The following RPN2 variants were observed in gnomAD, a reference collection of about 807,000 sequenced individuals.
RPN2 encodes the protein ribophorin II.
A neutral mutation model predicts 71.4 loss-of-function variants in RPN2; 29 were observed. The observed-to-expected ratio is 0.41, with a 90% CI of 0.30 to 0.55. RPN2 has a LOEUF of 0.55. Ranked by LOEUF, RPN2 falls within the 20% of genes least tolerant of loss-of-function variation. The pLI is 0.35. For synonymous variants in RPN2, 308 were observed against 305.0 expected (o/e 1.01, Z -0.10); for missense variants, 726 against 774.1 (o/e 0.94, Z 0.74).
chr20:37,229,539 G>A (rs886971051), intron 12 of RPN2, among the ~76,000 whole-genome samples: 1 of 152,188 alleles, frequency 6.6e-6, no homozygotes, highest in South Asian at 2.1e-4. Flanking sequence ...GGGCAGCTGC[G>A]TTTTCTCGTG....
At chr20:37,192,261 G>A (rs2067158161) in intron 2 of RPN2, among the ~76,000 whole-genome samples, 1 of 152,192 alleles carries the variant, frequency 6.6e-6, no homozygotes, top group Admixed American at 6.5e-5. Flanking sequence ...GTTCATTCCT[G>A]GGGATAGCAG....
intron 2 of RPN2, among the ~76,000 whole-genome samples, chr20:37,185,144 CTTTTT>C (rs540014605): frequency 7.3e-6 from 1 of 136,566 alleles, no homozygotes; most frequent in Non-Finnish European, 1.6e-5. Context: ...TCGGGACAGT[CTTTTT>C]TTTTTTTTTT....
intron 16 of RPN2, chr20:37,238,417 G>T (rs1174764263): frequency 6.2e-7 from 1 of 1,609,904 alleles, no homozygotes; most frequent in East Asian, 2.2e-5. Context: ...CTGCAGAGCA[G>T]AGCAGTAGAT....
intron 11 of RPN2, among the ~76,000 whole-genome samples, chr20:37,227,346 T>C (rs775433555): frequency 2.0e-5 from 3 of 152,242 alleles, no homozygotes; most frequent in Non-Finnish European, 4.4e-5. Context: ...TGAATACTTG[T>C]CTCATCCAGA....
chr20:37,209,691 A>G (rs1427424178), intron 7 of RPN2, among the ~76,000 whole-genome samples: 1 of 150,564 alleles, frequency 6.6e-6, no homozygotes, highest in Non-Finnish European at 1.5e-5. Flanking sequence ...CATGTTGCCC[A>G]CGCTGTTCTT....
intron 8 of RPN2, among the ~76,000 whole-genome samples, chr20:37,213,131 G>A (rs949924177): frequency 6.6e-6 from 1 of 152,124 alleles, no homozygotes; most frequent in African/African-American, 2.4e-5. Context: ...GTACATTTTG[G>A]AGTATTTTCC....
intron 7 of RPN2, among the ~76,000 whole-genome samples, chr20:37,209,422 G>A (rs2067600482): frequency 6.6e-6 from 1 of 151,960 alleles, no homozygotes; most frequent in South Asian, 2.1e-4. Flanking sequence ...GCCTCCCAAA[G>A]TACTGCAATT....
At chr20:37,240,550 A>G (rs1460638520) in intron 16 of RPN2, among the ~76,000 whole-genome samples, 2 of 152,110 alleles carry the variant, frequency 1.3e-5, no homozygotes, top group Non-Finnish European at 2.9e-5. Context: ...TGTGTCAGCA[A>G]CCCTGCCTCT....
intron 9 of RPN2, among the ~76,000 whole-genome samples, chr20:37,220,427 C>T (rs944085113): frequency 2.0e-5 from 3 of 152,032 alleles, no homozygotes; most frequent in African/African-American, 4.8e-5. Context: ...GGGGAAGCAT[C>T]GGTTTTGGAC....
At chr20:37,192,215 T>G (rs957367744) in intron 2 of RPN2, among the ~76,000 whole-genome samples, 5 of 152,170 alleles carry the variant, frequency 3.3e-5, no homozygotes, top group African/African-American at 1.2e-4. Context: ...TGAGTGCATA[T>G]AGTAGTAAGT....
intron 2 of RPN2, among the ~76,000 whole-genome samples, chr20:37,185,763 G>A (rs527590094): frequency 6.6e-6 from 1 of 152,164 alleles, no homozygotes; most frequent in Non-Finnish European, 1.5e-5. Flanking sequence ...GAGTACCTGG[G>A]ACTATGGGTG....
rs1480232048 is a variant in RPN2, at chr20:37,228,569, A to G, written c.1319A>G (p.Asn440Ser). 1 of 1,614,196 alleles carries G rather than the reference A, an allele frequency of 6.2e-7. No homozygotes were observed. The highest frequency in any genetic ancestry group is 1.7e-5 in the Admixed American group (1 of 60,024). Residue 440 changes from asparagine to serine, a missense_variant, in exon 12 of 17, where the codon AAC (asparagine) becomes AGC (serine). Asn to Ser is a conservative substitution (Grantham distance 46). Coordinates refer to ENST00000237530, the MANE Select transcript of RPN2 (RefSeq NM_002951.5). The part of the protein sequence containing the change: ...TPHQTFVRLH[N>S]QKTGQEVVFV... ...ATCTAGACATTTGTCCGACTCCATA[A>G]CCAGAAGACTGGCCAGGAAGTGGTG...
rs2068058910 is a variant in RPN2 at position 37,225,701 on chromosome 20, G to C, written c.1198G>C (p.Ala400Pro). The C allele has an allele frequency of 1.2e-6, 2 of 1,613,710 alleles. No homozygotes were observed. The highest frequency in any genetic ancestry group is 1.7e-5 in the Admixed American group (1 of 59,986). Residue 400 changes from alanine to proline, a missense_variant, in exon 11 of 17, where the codon GCC becomes CCC. By Grantham distance (27) the Ala-to-Pro change is conservative. Transcript: ENST00000237530. The part of the protein sequence containing the change: ...APKTTRVTYP[A>P]KAKGTFIADS... ...TGCCTCTTTCAGGGTGACATACCCA[G>C]CCAAAGCCAAGGGCACATTCATCGC...
At chr20:37,181,076 A>C (rs1005043423) in intron 1 of RPN2, among the ~76,000 whole-genome samples, 1 of 152,242 alleles carries the variant, frequency 6.6e-6, no homozygotes, top group East Asian at 1.9e-4. Flanking sequence ...TAAAAAGACA[A>C]AAATTAGCTG....
intron 16 of RPN2, among the ~76,000 whole-genome samples, chr20:37,237,759 A>G (rs573536957): frequency 6.6e-6 from 1 of 152,226 alleles, no homozygotes; most frequent in Non-Finnish European, 1.5e-5. Context: ...GTGGTTCTGC[A>G]TTGTACCTGA....
At chr20:37,182,550 C>G (rs189406721) in intron 1 of RPN2, among the ~76,000 whole-genome samples, 2 of 152,118 alleles carry the variant, frequency 1.3e-5, no homozygotes, top group African/African-American at 2.4e-5. Flanking sequence ...GCCACCATGC[C>G]TGGCTAATTT....
intron 9 of RPN2, among the ~76,000 whole-genome samples, chr20:37,221,464 T>C (rs942545596): frequency 3.3e-5 from 5 of 152,150 alleles, no homozygotes; most frequent in African/African-American, 1.2e-4. Flanking sequence ...TCCCAAAGTG[T>C]TGGGATTACA....
intron 13 of RPN2, among the ~76,000 whole-genome samples, chr20:37,230,837 T>C (rs2068223644): frequency 1.3e-5 from 2 of 151,998 alleles, no homozygotes; most frequent in South Asian, 4.1e-4. Flanking sequence ...TGCAGCTAAC[T>C]GGTAGGTGTA....
chr20:37,204,871 T>A lies in RPN2; in HGVS notation c.660T>A (p.Asp220Glu), dbSNP rs1440874831. The A allele has an allele frequency of 1.2e-6, 2 of 1,614,084 alleles. No homozygotes were observed. Among genetic ancestry groups the A allele is most frequent in the Admixed American group, 3.3e-5 (2 of 60,002 alleles). The change falls in exon 6 of 17, where the codon GAT becomes GAA. Residue 220 changes from aspartate to glutamate, a missense_variant. Asp to Glu is a conservative substitution (Grantham distance 45, BLOSUM62 2). Transcript: ENST00000237530. ...TGGCTGCCACCTACAAGCTCATGGATCATGTGGGGACTGAGCCATCCATTA... is the reference window on the plus strand; with the variant it reads ...TGGCTGCCACCTACAAGCTCATGGAACATGTGGGGACTGAGCCATCCATTA... ...LFVAATYKLM[D>E]HVGTEPSIKE...
Sources: gnomAD v4.1 joint callset for allele counts (sites outside exome capture counted in the v4.1 genomes callset) on GRCh38, gnomAD v4.1.1 for gene constraint, MANE v1.5 for transcripts, NCBI Gene and HGNC (gene_info 2026-07-23, HGNC 2026-07-21) for gene names.